USP12: variants seen among roughly 807,000 people sequenced by gnomAD.
USP12 encodes ubiquitin specific peptidase 12, also known as ubiquitin carboxyl-terminal hydrolase 12.
In USP12, 19 loss-of-function variants were observed where a neutral mutation model predicts 45.5. The observed-to-expected ratio is 0.42, with a 90% confidence interval of 0.29 to 0.61. USP12 has a LOEUF of 0.61. Ranked by LOEUF, USP12 falls within the 20% of genes least tolerant of loss-of-function variation. The pLI is 0.22. For missense variants in USP12, 242 were observed against 447.7 expected (o/e 0.54, Z 4.15); for synonymous variants, 149 against 148.8 (o/e 1.00, Z -0.01).
At chr13:27,086,438 T>A (rs151077659) in intron 6 of USP12, among the ~76,000 whole-genome samples, 3 of 151,790 alleles carry the variant, frequency 2.0e-5, no homozygotes, top group African/African-American at 7.2e-5. Context: ...TGTATATACA[T>A]ACACACTTTA....
At chr13:27,154,617 T>C (rs1424903877) in intron 1 of USP12, among the ~76,000 whole-genome samples, 1 of 152,172 alleles carries the variant, frequency 6.6e-6, no homozygotes, top group Non-Finnish European at 1.5e-5. Flanking sequence ...AGGAATTGAT[T>C]TTCACCTCTA....
At chr13:27,158,683 T>C (rs1277086082) in intron 1 of USP12, among the ~76,000 whole-genome samples, 2 of 152,266 alleles carry the variant, frequency 1.3e-5, no homozygotes, top group East Asian at 3.9e-4. Context: ...ACAGTAACAA[T>C]ACAGTATTAT....
At chr13:27,142,287 T>C (rs754301534) in intron 1 of USP12, among the ~76,000 whole-genome samples, 1 of 152,120 alleles carries the variant, frequency 6.6e-6, no homozygotes, top group Non-Finnish European at 1.5e-5. Flanking sequence ...AATTGACTTG[T>C]ACTTCTCAAA....
chr13:27,099,680 T>G (rs1032787052), intron 3 of USP12, among the ~76,000 whole-genome samples: 36 of 14,548 alleles, frequency 2.5e-3, no homozygotes, highest in Admixed American at 6.6e-3. Context: ...ATGGTAAAAT[T>G]CACAATAATT....
At chr13:27,157,115 A>G (rs1433667895) in intron 1 of USP12, among the ~76,000 whole-genome samples, 1 of 152,248 alleles carries the variant, frequency 6.6e-6, no homozygotes, top group Non-Finnish European at 1.5e-5. Flanking sequence ...AAATGTAAAT[A>G]CTGACATTGG....
chr13:27,072,446 C>T (rs1873289201), intron 7 of USP12, among the ~76,000 whole-genome samples: 1 of 152,112 alleles, frequency 6.6e-6, no homozygotes, highest in Non-Finnish European at 1.5e-5. Flanking sequence ...AAGGGCTGAA[C>T]TTCCACCTAA....
Position 27,110,335 on chromosome 13 carries a change from C to G in USP12, c.130-4391G>C, listed in dbSNP as rs965499344. 2.0e-5 allele frequency among the ~76,000 whole-genome samples: 3 copies of G among 152,186 alleles called. No homozygotes were observed. The South Asian group carries it at 6.2e-4, about 32-fold the overall frequency. On this transcript the variant is annotated intron_variant, in intron 2 of 8. Coordinates refer to ENST00000282344, the MANE Select transcript of USP12 (RefSeq NM_182488.4). ...AATAAAGGACCTAACCAGATAAGTT[C>G]ATAGGGAAGACAGACACTAGGCAGA...
intron 1 of USP12, among the ~76,000 whole-genome samples, chr13:27,125,251 G>A (rs1295237982): frequency 6.6e-6 from 1 of 151,970 alleles, no homozygotes; most frequent in African/African-American, 2.4e-5. Context: ...AAAAGCATAA[G>A]AAAAATTTCA....
intron 4 of USP12, among the ~76,000 whole-genome samples, chr13:27,093,094 G>A (rs1206991368): frequency 6.6e-6 from 1 of 151,844 alleles, no homozygotes; most frequent in African/African-American, 2.4e-5. Context: ...TACTAGGGAG[G>A]CTGACACAAG....
chr13:27,133,914 G>A (rs569577741), intron 1 of USP12, among the ~76,000 whole-genome samples: 2 of 152,300 alleles, frequency 1.3e-5, no homozygotes, highest in South Asian at 2.1e-4. Flanking sequence ...ATAGGATCAC[G>A]TGAGCCCAGG....
At chr13:27,123,962 T>C (rs1876114306) in intron 1 of USP12, among the ~76,000 whole-genome samples, 1 of 152,144 alleles carries the variant, frequency 6.6e-6, no homozygotes, top group Non-Finnish European at 1.5e-5. Flanking sequence ...GAAATAATAA[T>C]AGGTTGAAAT....
intron 1 of USP12, among the ~76,000 whole-genome samples, chr13:27,161,643 G>T (rs556205852): frequency 3.9e-5 from 6 of 152,218 alleles, no homozygotes; most frequent in African/African-American, 1.4e-4. Flanking sequence ...CAGCATTTTG[G>T]GAGGCCAGCT....
At chr13:27,158,662 G>A (rs748188940) in intron 1 of USP12, among the ~76,000 whole-genome samples, 8 of 152,106 alleles carry the variant, frequency 5.3e-5, no homozygotes, top group Non-Finnish European at 8.8e-5. Flanking sequence ...ACATCTAAAC[G>A]TAGAAAAGGT....
chr13:27,155,327 C>T (rs1428042080), intron 1 of USP12, among the ~76,000 whole-genome samples: 1 of 151,818 alleles, frequency 6.6e-6, no homozygotes, highest in Non-Finnish European at 1.5e-5. Flanking sequence ...GTGATCTGCC[C>T]GCCTTGGCCT....
chr13:27,087,752 T>C (rs148257954), intron 6 of USP12, among the ~76,000 whole-genome samples: 2 of 152,136 alleles, frequency 1.3e-5, no homozygotes, highest in African/African-American at 4.8e-5. Flanking sequence ...AGGAAAGAAA[T>C]ACTGGAGAAT....
chr13:27,091,445 T>TG (rs2137772094), intron 4 of USP12, among the ~76,000 whole-genome samples: 1 of 152,356 alleles, frequency 6.6e-6, no homozygotes, highest in East Asian at 1.9e-4. Context: ...ATCACCTGGG[T>TG]GCATGAGTTA....
chr13:27,171,736 C>A lies in USP12; in HGVS notation c.-97G>T. ...GCTCGCACCGCAGCCCGCGGGCGGA[C>A]CCCGAGCCGCCGCGGACCCAACCAC... On this transcript the variant is annotated 5_prime_UTR_variant, in exon 1 of 9. Transcript: ENST00000282344. The A allele has an allele frequency of 2.6e-6, 2 of 769,004 alleles. No homozygotes were observed. Among genetic ancestry groups the A allele is most frequent in the Non-Finnish European group, 3.3e-6 (2 of 614,876 alleles). 47.6% of individuals were successfully genotyped at this position (769,004 alleles called of 1,614,324 possible). A position where few individuals can be genotyped will look rare whatever the true frequency, so the allele number is the denominator to read the frequency against.
intron 6 of USP12, among the ~76,000 whole-genome samples, chr13:27,081,253 G>T (rs1036025649): frequency 1.3e-5 from 2 of 152,076 alleles, no homozygotes; most frequent in Non-Finnish European, 2.9e-5. Flanking sequence ...AAACCCTGAC[G>T]CTGCTATCAA....
In USP12 at chr13:27,066,560, C is replaced by T. The variant is rs192129227; in HGVS notation, c.*2723G>A. The T allele has an allele frequency of 3.9e-5, 6 of 152,268 alleles. No individual in the cohort carries two copies. Among genetic ancestry groups the T allele is most frequent in the African/African-American group, 1.4e-4 (6 of 41,558 alleles). 9.4% of individuals were successfully genotyped at this position (152,268 alleles called of 1,614,324 possible). ...AAGACCCACATAATACAACATTTCC[C>T]TCTTTCCCTGTTCCCAAGCCTCCTG... On this transcript the variant is annotated 3_prime_UTR_variant, in exon 9 of 9. Transcript: ENST00000282344.
Sources: allele counts gnomAD v4.1 joint callset (sites outside exome capture counted in the v4.1 genomes callset), GRCh38; gene constraint gnomAD v4.1.1; transcripts MANE v1.5; gene names NCBI Gene and HGNC (gene_info 2026-07-23, HGNC 2026-07-21).